The following CAMK1D variants were observed in gnomAD, a reference collection of about 807,000 sequenced individuals.
CAMK1D encodes calcium/calmodulin-dependent protein kinase type 1D.
CAMK1D carries 9 observed loss-of-function variants against 47.7 expected under a neutral mutation model. The ratio of observed to expected loss-of-function variants is 0.19; its 90% CI spans 0.11 to 0.33. The LOEUF is 0.33. CAMK1D is among the 10% of genes least tolerant of loss of function. The pLI is 1.00. For synonymous variants in CAMK1D, 184 were observed against 184.9 expected, an observed-to-expected ratio of 0.99 and a Z score of 0.04; for missense variants, 291 against 488.7, an observed-to-expected ratio of 0.60 and a Z score of 3.81.
At chr10:12,801,350 TATCTTATCTATC>T (rs1308622340) in intron 6 of CAMK1D, among the ~76,000 whole-genome samples, 37 of 106,252 alleles carry the variant, frequency 3.5e-4, no homozygotes, top group East Asian at 2.5e-3. Context: ...TCTATCTATC[TATCTTATCTATC>T]TATCTATCTA....
intron 2 of CAMK1D, among the ~76,000 whole-genome samples, chr10:12,593,066 T>C (rs1365112568): frequency 6.6e-6 from 1 of 152,208 alleles, no homozygotes; most frequent in Non-Finnish European, 1.5e-5. Flanking sequence ...TAGTAAATGT[T>C]TTAGACTTTG....
At chr10:12,485,531 C>T (rs750946103) in intron 1 of CAMK1D, among the ~76,000 whole-genome samples, 6 of 152,076 alleles carry the variant, frequency 3.9e-5, no homozygotes, top group Admixed American at 6.6e-5. Flanking sequence ...CACAGGGAGC[C>T]GGTGGGTCTG....
At chr10:12,389,186 C>T (rs568143877) in intron 1 of CAMK1D, among the ~76,000 whole-genome samples, 19 of 104,124 alleles carry the variant, frequency 1.8e-4, no homozygotes, top group Admixed American at 1.3e-3. Flanking sequence ...GCTAGGGTGG[C>T]GTGGGGGTGT....
intron 1 of CAMK1D, among the ~76,000 whole-genome samples, chr10:12,464,322 T>C (rs1051360868): frequency 1.3e-5 from 2 of 152,110 alleles, no homozygotes; most frequent in Admixed American, 6.5e-5. Flanking sequence ...CTTTTCCGAT[T>C]GCCACAGAGC....
chr10:12,521,558 G>T (rs1464534018), intron 1 of CAMK1D, among the ~76,000 whole-genome samples: 1 of 152,098 alleles, frequency 6.6e-6, no homozygotes, highest in African/African-American at 2.4e-5. Flanking sequence ...TGCTTAAAAA[G>T]ACTTTGTGTT....
chr10:12,356,405 C>T (rs570488167), intron 1 of CAMK1D, among the ~76,000 whole-genome samples: 56 of 152,278 alleles, frequency 3.7e-4, no homozygotes, highest in African/African-American at 1.0e-3. Flanking sequence ...GCTCTGGAAA[C>T]GGGCAAGCAC....
intron 1 of CAMK1D, among the ~76,000 whole-genome samples, chr10:12,391,915 A>G (rs945159298): frequency 3.3e-5 from 5 of 152,168 alleles, no homozygotes; most frequent in African/African-American, 1.2e-4. Context: ...TTTGAAAATC[A>G]GATAAATGGT....
At chr10:12,417,161 A>G (rs1479735074) in intron 1 of CAMK1D, among the ~76,000 whole-genome samples, 3 of 152,184 alleles carry the variant, frequency 2.0e-5, no homozygotes, top group African/African-American at 7.2e-5. Context: ...GCAAGTTTTC[A>G]AAAAATATTA....
intron 3 of CAMK1D, among the ~76,000 whole-genome samples, chr10:12,702,725 A>G (rs899379730): frequency 2.6e-5 from 4 of 152,372 alleles, no homozygotes; most frequent in African/African-American, 4.8e-5. Flanking sequence ...CATGAGCAGC[A>G]GAGCTGGTAT....
intron 3 of CAMK1D, among the ~76,000 whole-genome samples, chr10:12,734,015 G>A (rs1835016107): frequency 6.6e-6 from 1 of 151,964 alleles, no homozygotes; most frequent in African/African-American, 2.4e-5. Context: ...TGCTTCCCCT[G>A]AGCAGTGGTT....
chr10:12,655,435 C>T (rs916681884), intron 2 of CAMK1D, among the ~76,000 whole-genome samples: 2 of 152,182 alleles, frequency 1.3e-5, no homozygotes, highest in African/African-American at 4.8e-5. Flanking sequence ...ATCACCCATT[C>T]ACTGGTAACT....
chr10:12,745,276 C>T (rs1399617920), intron 3 of CAMK1D, among the ~76,000 whole-genome samples: 6 of 152,146 alleles, frequency 3.9e-5, no homozygotes, highest in Non-Finnish European at 7.3e-5. Context: ...GTGATCCGCC[C>T]GCCTCAGCCT....
intron 1 of CAMK1D, among the ~76,000 whole-genome samples, chr10:12,414,675 A>C (rs749134766): frequency 6.6e-6 from 1 of 152,228 alleles, no homozygotes; most frequent in Non-Finnish European, 1.5e-5. Flanking sequence ...TATTTTAGGC[A>C]AAGTGTTGAA....
chr10:12,559,712 T>C (rs1836876627), intron 2 of CAMK1D, among the ~76,000 whole-genome samples: 1 of 152,148 alleles, frequency 6.6e-6, no homozygotes, highest in Non-Finnish European at 1.5e-5. Context: ...AGCCACTGAC[T>C]GGGCTCAGGA....
intron 2 of CAMK1D, among the ~76,000 whole-genome samples, chr10:12,651,703 A>T (rs1419161044): frequency 6.6e-6 from 1 of 151,874 alleles, no homozygotes; most frequent in African/African-American, 2.4e-5. Flanking sequence ...TGCCTGGACA[A>T]CTTCTTTTTT....
At chr10:12,665,621 T>G (rs1029506548) in intron 2 of CAMK1D, among the ~76,000 whole-genome samples, 6 of 152,252 alleles carry the variant, frequency 3.9e-5, no homozygotes, top group African/African-American at 1.4e-4. Flanking sequence ...AAGAGCTAAT[T>G]ATCACCTTGA....
At chr10:12,697,584 A>G (rs1305315003) in intron 3 of CAMK1D, among the ~76,000 whole-genome samples, 1 of 152,116 alleles carries the variant, frequency 6.6e-6, no homozygotes, top group Non-Finnish European at 1.5e-5. Flanking sequence ...TCTTTAGTAG[A>G]GACAGGGTTT....
rs142619344 is a variant in CAMK1D at position 12,653,679 on chromosome 10, A to G, written c.225-13057A>G. On this transcript the variant is annotated intron_variant, in intron 2 of 10. Transcript: ENST00000619168. ...TCAATCCCCCTAAGTCTGACAGTGA[A>G]CTGAAATTAGATGGTTGTTCAAAAC... Among the ~76,000 whole-genome samples the G allele has an allele frequency of 1.5e-3, 232 of 152,358 alleles. 1 individual carries two copies. Among genetic ancestry groups the G allele is most frequent in the African/African-American group, 5.3e-3 (221 of 41,586 alleles).
chr10:12,751,830 T>C (rs1417162712), intron 3 of CAMK1D, among the ~76,000 whole-genome samples: 1 of 152,180 alleles, frequency 6.6e-6, no homozygotes, highest in African/African-American at 2.4e-5. Context: ...GCCATGCACC[T>C]TTGTCAGGGC....
Sources: allele counts gnomAD v4.1 joint callset (sites outside exome capture counted in the v4.1 genomes callset), GRCh38; gene constraint gnomAD v4.1.1; transcripts MANE v1.5; gene names NCBI Gene and HGNC (gene_info 2026-07-23, HGNC 2026-07-21).